Variants in HOOK1 observed in about 807,000 individuals in gnomAD.
HOOK1 encodes protein Hook homolog 1.
A neutral mutation model predicts 112.8 loss-of-function variants in HOOK1; 60 were observed. The observed-to-expected ratio is 0.53, with a 90% CI of 0.43 to 0.66. The LOEUF (loss-of-function observed/expected upper bound fraction) is 0.66, where lower values mean the gene tolerates loss of function less well. HOOK1 is among the 30% of genes least tolerant of loss of function. HOOK1 has a pLI of 0.00. For synonymous variants in HOOK1, 294 were observed against 283.8 expected (o/e 1.04, Z -0.36); for missense variants, 770 against 856.0 (o/e 0.90, Z 1.25).
chr1:59,849,220 G>T (rs1335252770), intron 12 of HOOK1, 37 bp downstream of exon 12: 1 of 1,382,086 alleles, frequency 7.2e-7, no homozygotes, highest in Non-Finnish European at 1.0e-6. Context: ...ATATTTCATT[G>T]TTCTTTTAGT....
chr1:59,871,117 TGAA>T lies in HOOK1; in HGVS notation c.2016+9_2016+11del, dbSNP rs758033758. 2 of 1,601,694 alleles carry T rather than the reference TGAA, an allele frequency of 1.2e-6. No individual in the cohort carries two copies. On this transcript the variant is annotated splice_region_variant and intron_variant, in intron 21 of 21. Transcript: ENST00000371208. ...TTCTGCGTGGTATAATAAGGTGAGC[TGAA>T]GTTCAGCAAATGATTGGATGAGAAC...
intron 12 of HOOK1, among the ~76,000 whole-genome samples, chr1:59,857,549 G>C (rs1207263092): frequency 1.3e-5 from 2 of 152,160 alleles, no homozygotes; most frequent in Non-Finnish European, 1.5e-5. Context: ...CTTTGTGCCT[G>C]CTCCTGCTAG....
rs1553465916 is a variant in HOOK1, at chr1:59,873,765, A to ATG, written c.*800_*801insTG. On this transcript the variant is annotated 3_prime_UTR_variant, in exon 22 of 22. Coordinates refer to ENST00000371208, the MANE Select transcript of HOOK1 (RefSeq NM_015888.6). ...TATATATATATATATATATATATATACTTTTTGTGAAATGTCTATATACTT... is the reference window on the plus strand; with the variant it reads ...TATATATATATATATATATATATATATGCTTTTTGTGAAATGTCTATATACTT... The ATG allele has an allele frequency of 2.3e-4, 28 of 123,000 alleles. 1 individual carries two copies. The highest frequency in any genetic ancestry group is 3.7e-4 in the Non-Finnish European group (21 of 57,158). 7.6% of individuals were successfully genotyped at this position (123,000 alleles called of 1,614,324 possible). A position where few individuals can be genotyped will look rare whatever the true frequency, so the allele number is the denominator to read the frequency against.
chr1:59,833,245 C>T (rs1168015608), intron 4 of HOOK1, among the ~76,000 whole-genome samples, 160 bp from the exon 5 acceptor site: 1 of 152,072 alleles, frequency 6.6e-6, no homozygotes, highest in African/African-American at 2.4e-5. Flanking sequence ...GGAATGTTGC[C>T]TGAACATTGC....
At chr1:59,821,626 A>G (rs1259197125) in intron 1 of HOOK1, among the ~76,000 whole-genome samples, 1 of 152,218 alleles carries the variant, frequency 6.6e-6, no homozygotes, top group African/African-American at 2.4e-5. Flanking sequence ...AATATGTTCT[A>G]ATGTCCTAGG....
rs925793606 is a variant in HOOK1, at chr1:59,842,586, T to C, written c.622-846T>C. Among the ~76,000 whole-genome samples the C allele has an allele frequency of 5.9e-5, 9 of 152,292 alleles. No individual in the cohort carries two copies. In the Middle Eastern group the frequency reaches 0.01, roughly 173 times the overall value. The stretch of plus-strand genomic sequence containing the variant: ...AGTTCTTTGTGTCAATGTGTAGTCA[T>C]ATTTACATAACTGGATTGAATTACA... On this transcript the variant is annotated intron_variant, in intron 8 of 21. Coordinates refer to ENST00000371208, the MANE Select transcript of HOOK1 (RefSeq NM_015888.6).
At chr1:59,867,905 C>T (rs551208857) in intron 19 of HOOK1, among the ~76,000 whole-genome samples, 20 of 152,104 alleles carry the variant, frequency 1.3e-4, no homozygotes, top group African/African-American at 4.8e-4. Context: ...TAAAAATTCT[C>T]AAGTCAAATA....
Position 59,828,868 on chromosome 1 carries a change from G to A in HOOK1, c.222+16G>A, listed in dbSNP as rs753367040. 24 of 1,593,658 alleles carry A rather than the reference G, an allele frequency of 1.5e-5. No individual in the cohort carries two copies. The highest frequency in any genetic ancestry group is 2.1e-5 in the Non-Finnish European group (24 of 1,163,950). On this transcript the variant is annotated intron_variant, in intron 3 of 21. Transcript: ENST00000371208. ...GAGAATAAAGGTATGCAGAACAAAT[G>A]GGAGAAGCACTTGATCCAAACAGTG...
In HOOK1 at chr1:59,854,501, G is replaced by GT. The variant is rs796499161; in HGVS notation, c.1243-3917dup. 6.1e-3 allele frequency among the ~76,000 whole-genome samples: 898 copies of GT among 146,552 alleles called. 10 individuals carry two copies. The highest frequency in any genetic ancestry group is 0.018 in the African/African-American group (709 of 40,054). On this transcript the variant is annotated intron_variant, in intron 12 of 21. Coordinates refer to ENST00000371208, the MANE Select transcript of HOOK1 (RefSeq NM_015888.6). The stretch of plus-strand genomic sequence containing the variant: ...GTCTGCTAATGATACATTCTCTGTT[G>GT]TTTTTTTTTTACTCTTGGAAAAATT...
chr1:59,815,137 C>G lies in HOOK1; in HGVS notation c.20C>G (p.Pro7Arg), dbSNP rs759583116. MEETQPPPQPKLPLCDS... is the reference protein window; with the variant it reads MEETQPRPQPKLPLCDS... ...CCGGCCATGGAGGAGACGCAGCCGCCGCCGCAGCCTAAGCTGCCCCTGTGC... is the reference window on the plus strand; with the variant it reads ...CCGGCCATGGAGGAGACGCAGCCGCGGCCGCAGCCTAAGCTGCCCCTGTGC... The change falls in exon 1 of 22, where the codon CCG (proline) becomes CGG (arginine). Residue 7 changes from proline to arginine, a missense_variant. This residue lies in a region of HOOK1 where 655 missense variants were observed against 725.9 expected (regional missense o/e 0.90). Transcript: ENST00000371208. 18 of 1,542,450 alleles carry G rather than the reference C, an allele frequency of 1.2e-5. No individual in the cohort carries two copies. The East Asian group carries it at 4.2e-4, about 36-fold the overall frequency.
intron 12 of HOOK1, among the ~76,000 whole-genome samples, chr1:59,856,943 G>A (rs1235780292): frequency 1.3e-5 from 2 of 151,972 alleles, no homozygotes; most frequent in African/African-American, 4.8e-5. Flanking sequence ...CGAGATCTCC[G>A]GGAACATGTC....
chr1:59,850,589 G>A (rs1472563054), intron 12 of HOOK1, among the ~76,000 whole-genome samples: 1 of 151,438 alleles, frequency 6.6e-6, no homozygotes, highest in African/African-American at 2.4e-5. Context: ...ATATCCAGTT[G>A]TACTAGTACC....
chr1:59,862,824 G>C lies in HOOK1; in HGVS notation c.1573G>C (p.Glu525Gln). The C allele has an allele frequency of 6.2e-7, 1 of 1,612,488 alleles. No homozygotes were observed. The highest frequency in any genetic ancestry group is 8.5e-7 in the Non-Finnish European group (1 of 1,178,630). ...ERIRELQQQIEDLQKSLQEQG... is the reference protein window; with the variant it reads ...ERIRELQQQIQDLQKSLQEQG... ...TATTAGAGAATTGCAGCAGCAGATT[G>C]AGGACCTCCAGAAATCTTTACAGGA... Residue 525 changes from glutamate to glutamine, a missense_variant, in exon 16 of 22, where the codon GAG becomes CAG. Around this residue, in one of 3 missense-constraint regions of HOOK1, gnomAD observed 655 missense variants for 725.9 expected, o/e 0.90. Coordinates refer to ENST00000371208, the MANE Select transcript of HOOK1 (RefSeq NM_015888.6).
chr1:59,820,934 A>G (rs78813293), intron 1 of HOOK1, among the ~76,000 whole-genome samples: 4,877 of 152,258 alleles, frequency 0.032, 135 homozygotes, highest in Admixed American at 0.087. Flanking sequence ...GTTGTGTTAG[A>G]TAATGGAGGT....
chr1:59,872,793 A>G lies in HOOK1; in HGVS notation c.2017-2A>G. The G allele has an allele frequency of 7.2e-7, 1 of 1,384,764 alleles. No homozygotes were observed. The highest frequency in any genetic ancestry group is 9.5e-7 in the Non-Finnish European group (1 of 1,056,612). 85.8% of individuals were successfully genotyped at this position (1,384,764 alleles called of 1,614,324 possible). On this transcript the variant is annotated splice_acceptor_variant, in intron 21 of 21. Coordinates refer to ENST00000371208, the MANE Select transcript of HOOK1 (RefSeq NM_015888.6). LOFTEE classifies it high-confidence loss of function. ...TAAAAAATATATGTTTTTTTTTTTC[A>G]GAGTCTAGCATTCCAGAAACTGGGG...
At chr1:59,832,579 TA>T (rs1331012499) in intron 4 of HOOK1, among the ~76,000 whole-genome samples, 1 of 152,066 alleles carries the variant, frequency 6.6e-6, no homozygotes, top group Non-Finnish European at 1.5e-5. Flanking sequence ...AGCAAAGACA[TA>T]AATGAGATTA....
intron 12 of HOOK1, among the ~76,000 whole-genome samples, chr1:59,849,884 G>T (rs2098406215): frequency 6.6e-6 from 1 of 151,522 alleles, no homozygotes; most frequent in Non-Finnish European, 1.5e-5. Flanking sequence ...CATTTGGGTT[G>T]TTTCTACTTT....
rs767113317 is a variant in HOOK1 at position 59,860,309 on chromosome 1, G to A, written c.1513G>A (p.Glu505Lys). The part of the protein sequence containing the change: ...QLEQKHRKMN[E>K]LETEQRLSKE... Reference sequence around the variant, plus strand: ...AGAACAGAAACACCGTAAAATGAATGAACTGGAAACTGAGCAGAGGTGATA... The same window carrying A: ...AGAACAGAAACACCGTAAAATGAATAAACTGGAAACTGAGCAGAGGTGATA... Residue 505 changes from glutamate to lysine, a missense_variant, in exon 15 of 22, where the codon GAA (glutamate) becomes AAA (lysine). Physicochemically the swap from Glu to Lys is moderately conservative, Grantham distance 56. Around this residue, in one of 3 missense-constraint regions of HOOK1, gnomAD observed 655 missense variants for 725.9 expected, o/e 0.90. Transcript: ENST00000371208. The A allele has an allele frequency of 6.2e-7, 1 of 1,606,574 alleles. No homozygotes were observed. Among genetic ancestry groups the A allele is most frequent in the South Asian group, 1.1e-5 (1 of 89,566 alleles).
At position 59,865,152 on chromosome 1, in the gene HOOK1, C is replaced by T; in HGVS notation, c.1662-11C>T. Reference sequence around the variant, plus strand: ...GCAGAGACCAGTCTCCATGCTTTTTCTACCACTTAGGGAAAAACTCACAGA... The same window carrying T: ...GCAGAGACCAGTCTCCATGCTTTTTTTACCACTTAGGGAAAAACTCACAGA... On this transcript the variant is annotated splice_polypyrimidine_tract_variant and intron_variant, in intron 17 of 21. Transcript: ENST00000371208. 1 of 1,562,180 alleles carries T rather than the reference C, an allele frequency of 6.4e-7. No homozygotes were observed. Among genetic ancestry groups the T allele is most frequent in the South Asian group, 1.1e-5 (1 of 89,986 alleles).
Sources: gnomAD v4.1 joint callset for allele counts (sites outside exome capture counted in the v4.1 genomes callset) on GRCh38, gnomAD v4.1.1 for gene constraint, gnomAD v4.1.1 regional missense constraint, MANE v1.5 for transcripts, NCBI Gene and HGNC (gene_info 2026-07-23, HGNC 2026-07-21) for gene names.